Variants in TLK1 observed in about 807,000 individuals in gnomAD.
TLK1 encodes the protein tousled like kinase 1, also known as serine/threonine-protein kinase tousled-like 1.
A neutral mutation model predicts 105.3 loss-of-function variants in TLK1; 24 were observed. That is an observed-to-expected ratio of 0.23 (90% CI 0.17 to 0.32). The LOEUF (loss-of-function observed/expected upper bound fraction) is 0.32. Among genes scored for constraint, TLK1 ranks in the 10% least tolerant of loss-of-function variants. The pLI, the probability that TLK1 is intolerant of heterozygous loss-of-function variation, is 1.00. For missense variants in TLK1, 558 were observed against 910.5 expected (o/e 0.61, Z 4.98); for synonymous variants, 321 against 310.4 (o/e 1.03, Z -0.36).
chr2:171,002,347 C>T (rs1684420254), intron 18 of TLK1, among the ~76,000 whole-genome samples: 1 of 152,050 alleles, frequency 6.6e-6, no homozygotes, highest in Non-Finnish European at 1.5e-5. Context: ...CAAGCTCCGC[C>T]TCCCGGGTTC....
chr2:171,131,005 C>T (rs935862825), intron 1 of TLK1, among the ~76,000 whole-genome samples: 1 of 141,030 alleles, frequency 7.1e-6, no homozygotes, highest in Non-Finnish European at 1.6e-5. Context: ...ATAATAATTT[C>T]TTTTATCTGC....
chr2:171,188,255 C>T (rs1450523017), intron 1 of TLK1, among the ~76,000 whole-genome samples: 15 of 152,328 alleles, frequency 9.8e-5, no homozygotes, highest in Admixed American at 7.2e-4. Context: ...TCTTATTCTA[C>T]AGGATCCTAA....
At chr2:171,128,703 TCTG>T (rs1398759668) in intron 1 of TLK1, among the ~76,000 whole-genome samples, 2 of 152,164 alleles carry the variant, frequency 1.3e-5, no homozygotes, top group South Asian at 2.1e-4. Flanking sequence ...CTTGTGACAA[TCTG>T]CTATTTTTAA....
Position 170,993,001 on chromosome 2 carries a change from AAAAATACCTGTT to A in TLK1, c.*767_*778del, listed in dbSNP as rs1229010757. On this transcript the variant is annotated 3_prime_UTR_variant, in exon 21 of 21. Coordinates refer to ENST00000431350, the MANE Select transcript of TLK1 (RefSeq NM_012290.5). Reference sequence around the variant, plus strand: ...GATGAACAAGGCCTGGTAACAAAAGAAAAATACCTGTTATCAATTCTAACGTGTTGAAAACAC... The same window carrying A: ...GATGAACAAGGCCTGGTAACAAAAGAATCAATTCTAACGTGTTGAAAACAC... 1 of 152,642 alleles carries A rather than the reference AAAAATACCTGTT, an allele frequency of 6.6e-6. No homozygotes were observed. Among genetic ancestry groups the A allele is most frequent in the Non-Finnish European group, 1.5e-5 (1 of 68,022 alleles). 9.5% of individuals were successfully genotyped at this position (152,642 alleles called of 1,614,324 possible).
chr2:171,124,445 G>C (rs545095838), intron 1 of TLK1, among the ~76,000 whole-genome samples: 31 of 152,252 alleles, frequency 2.0e-4, no homozygotes, highest in African/African-American at 6.7e-4. Flanking sequence ...TCAGCCTTTA[G>C]CTCAAACAAT....
At chr2:171,118,024 A>G (rs1187489766) in intron 1 of TLK1, among the ~76,000 whole-genome samples, 167 bp from the exon 2 acceptor site, 1 of 152,252 alleles carries the variant, frequency 6.6e-6, no homozygotes, top group African/African-American at 2.4e-5. Flanking sequence ...ACATCAACTT[A>G]TCAAAACATC....
At chr2:171,047,121 C>CGAA (rs1393922481) in intron 10 of TLK1, among the ~76,000 whole-genome samples, 3 of 152,066 alleles carry the variant, frequency 2.0e-5, no homozygotes, top group Non-Finnish European at 4.4e-5. Context: ...TCAATGCTTC[C>CGAA]CATTCAAGAA....
intron 2 of TLK1, among the ~76,000 whole-genome samples, chr2:171,100,835 G>C (rs1275988512): frequency 6.6e-6 from 1 of 151,986 alleles, no homozygotes; most frequent in African/African-American, 2.4e-5. Flanking sequence ...ATACCTAAAA[G>C]AACTAAAACA....
At chr2:171,168,376 AT>A (rs1314887505) in intron 1 of TLK1, among the ~76,000 whole-genome samples, 1 of 152,168 alleles carries the variant, frequency 6.6e-6, no homozygotes, top group East Asian at 1.9e-4. Context: ...TCCAAAAAAA[AT>A]AAAAAAATAA....
chr2:171,008,772 A>C (rs1407790061), intron 14 of TLK1, among the ~76,000 whole-genome samples: 1 of 152,220 alleles, frequency 6.6e-6, no homozygotes, highest in Non-Finnish European at 1.5e-5. Context: ...CAGTATAGAA[A>C]GTTCAAGTCA....
At chr2:171,167,378 G>A (rs1692628171) in intron 1 of TLK1, among the ~76,000 whole-genome samples, 1 of 152,126 alleles carries the variant, frequency 6.6e-6, no homozygotes, top group African/African-American at 2.4e-5. Flanking sequence ...TATGAATATA[G>A]ATCAGAGCTC....
chr2:171,199,227 A>C (rs1693352115), intron 1 of TLK1, among the ~76,000 whole-genome samples: 1 of 152,192 alleles, frequency 6.6e-6, no homozygotes, highest in Non-Finnish European at 1.5e-5. Context: ...ACTCCCCAAG[A>C]GCATCAGGTG....
In TLK1 at chr2:171,050,156, G is replaced by T; in HGVS notation, c.751C>A (p.Arg251=). Residue 251 remains arginine (R), a synonymous_variant, in exon 9 of 21, where the codon CGG becomes AGG. Coordinates refer to ENST00000431350, the MANE Select transcript of TLK1 (RefSeq NM_012290.5). ...DLLRANCDLR[R]QIDEQQKLLE... is the part of the protein sequence containing the mutation. ...AATTTTTGTTGTTCATCTATTTGCC[G>T]TCTGAGATCACAGTTAGCCTATGAC... 6.3e-7 allele frequency: 1 copy of T among 1,596,132 alleles called. No homozygotes were observed. Among genetic ancestry groups the T allele is most frequent in the Non-Finnish European group, 8.6e-7 (1 of 1,169,122 alleles).
chr2:171,100,665 G>A (rs1689650409), intron 2 of TLK1, among the ~76,000 whole-genome samples: 1 of 152,050 alleles, frequency 6.6e-6, no homozygotes, highest in Non-Finnish European at 1.5e-5. Flanking sequence ...AATTTAAAAA[G>A]ACAATAATAA....
chr2:171,071,898 T>C (rs547233824), intron 3 of TLK1, among the ~76,000 whole-genome samples: 30 of 152,342 alleles, frequency 2.0e-4, no homozygotes, highest in African/African-American at 6.3e-4. Flanking sequence ...TGTAGATATA[T>C]GGATTGCTAT....
chr2:171,122,212 C>T (rs1690681852), intron 1 of TLK1, among the ~76,000 whole-genome samples: 1 of 152,194 alleles, frequency 6.6e-6, no homozygotes, highest in Non-Finnish European at 1.5e-5. Context: ...GAATTACACA[C>T]CTCAGCCTCC....
chr2:170,995,474 G>A (rs1237111098), intron 20 of TLK1, among the ~76,000 whole-genome samples: 12 of 152,028 alleles, frequency 7.9e-5, no homozygotes, highest in Admixed American at 7.9e-4. Flanking sequence ...GAGAGAACCA[G>A]GAATGGCTAA....
intron 2 of TLK1, among the ~76,000 whole-genome samples, chr2:171,083,296 C>T (rs1688827910): frequency 1.3e-5 from 2 of 152,196 alleles, no homozygotes; most frequent in African/African-American, 4.8e-5. Context: ...TCTGTATTAA[C>T]AAACTGTCCT....
intron 2 of TLK1, among the ~76,000 whole-genome samples, chr2:171,096,316 A>G (rs770205612): frequency 6.6e-5 from 10 of 152,208 alleles, no homozygotes; most frequent in Non-Finnish European, 1.5e-4. Context: ...CCTGATCAAC[A>G]TAGCGAGACC....
Sources: allele counts gnomAD v4.1 joint callset (sites outside exome capture counted in the v4.1 genomes callset), GRCh38; gene constraint gnomAD v4.1.1; transcripts MANE v1.5; gene names NCBI Gene and HGNC (gene_info 2026-07-23, HGNC 2026-07-21).